The following DCC variants were observed in gnomAD, a reference collection of about 807,000 sequenced individuals.
DCC encodes DCC netrin 1 receptor.
DCC carries 58 observed loss-of-function variants against 172.5 expected under a neutral mutation model. The observed-to-expected ratio is 0.34, with a 90% CI of 0.27 to 0.42. DCC has a LOEUF of 0.42. Ranked by LOEUF, DCC falls within the 10% of genes least tolerant of loss-of-function variation. DCC has a pLI of 1.00. For missense variants in DCC, 1,740 were observed against 1,791.0 expected (o/e 0.97, Z 0.51); for synonymous variants, 709 against 644.5 (o/e 1.10, Z -1.52).
At chr18:52,704,326 G>A (rs1599033012) in intron 1 of DCC, among the ~76,000 whole-genome samples, 1 of 152,244 alleles carries the variant, frequency 6.6e-6, no homozygotes, top group East Asian at 1.9e-4. Flanking sequence ...TAAAAAAAGA[G>A]AGAGAGATGG....
intron 15 of DCC, among the ~76,000 whole-genome samples, chr18:53,350,675 T>C (rs1434083170): frequency 6.6e-6 from 1 of 152,084 alleles, no homozygotes; most frequent in Non-Finnish European, 1.5e-5. Context: ...TGTATCATGG[T>C]ATCAGAGGGT....
At chr18:52,350,190 C>A (rs1984056402) in intron 1 of DCC, among the ~76,000 whole-genome samples, 1 of 152,172 alleles carries the variant, frequency 6.6e-6, no homozygotes, top group Non-Finnish European at 1.5e-5. Context: ...TTCTGCCCTG[C>A]AGGGGCTTTT....
At chr18:52,697,529 A>G (rs1195524903) in intron 1 of DCC, among the ~76,000 whole-genome samples, 1 of 152,226 alleles carries the variant, frequency 6.6e-6, no homozygotes, top group Non-Finnish European at 1.5e-5. Context: ...GACCCAGAAA[A>G]TAGTCATTAA....
chr18:53,147,386 C>T (rs556757090), intron 7 of DCC, among the ~76,000 whole-genome samples: 4 of 152,230 alleles, frequency 2.6e-5, no homozygotes, highest in East Asian at 1.9e-4. Context: ...AAACATGCTT[C>T]GTATACATAT....
intron 1 of DCC, among the ~76,000 whole-genome samples, chr18:52,455,930 T>C (rs1988443586): frequency 6.6e-6 from 1 of 152,170 alleles, no homozygotes; most frequent in Non-Finnish European, 1.5e-5. Flanking sequence ...AAAATTCTGG[T>C]ATCTCCATAT....
intron 27 of DCC, among the ~76,000 whole-genome samples, chr18:53,521,161 G>T (rs1308632541): frequency 6.6e-6 from 1 of 152,094 alleles, no homozygotes; most frequent in African/African-American, 2.4e-5. Context: ...AACACTCTGT[G>T]CGGTCTTTGA....
At chr18:52,826,768 C>T (rs2145285205) in intron 2 of DCC, among the ~76,000 whole-genome samples, 1 of 152,228 alleles carries the variant, frequency 6.6e-6, no homozygotes, top group Non-Finnish European at 1.5e-5. Flanking sequence ...TGTGAGCCAC[C>T]ACACCCAGCC....
At chr18:53,413,666 G>A (rs2032821901) in intron 20 of DCC, among the ~76,000 whole-genome samples, 1 of 152,214 alleles carries the variant, frequency 6.6e-6, no homozygotes, top group Admixed American at 6.5e-5. Flanking sequence ...GACAATGCAT[G>A]TATATGATTA....
intron 7 of DCC, 94 bp from the exon 8 acceptor site, chr18:53,157,262 T>C (rs1004313666): frequency 2.2e-5 from 32 of 1,451,790 alleles, no homozygotes; most frequent in Non-Finnish European, 3.1e-5. Flanking sequence ...GACTATGACA[T>C]GGAGATGCTT....
intron 1 of DCC, among the ~76,000 whole-genome samples, chr18:52,524,482 T>G (rs2031920102): frequency 6.6e-6 from 1 of 152,236 alleles, no homozygotes; most frequent in Non-Finnish European, 1.5e-5. Context: ...TTATGCCAAC[T>G]TTTTGGAAGC....
At chr18:52,532,249 T>TAGAAAAAAAGTTCAAAAAA (rs1380384906) in intron 1 of DCC, among the ~76,000 whole-genome samples, 4 of 152,222 alleles carry the variant, frequency 2.6e-5, no homozygotes, top group African/African-American at 9.6e-5. Flanking sequence ...AAAAGCATCC[T>TAGAAAAAAAGTTCAAAAAA]AGGCATATAC....
At chr18:53,442,997 C>A (rs1164605416) in intron 22 of DCC, among the ~76,000 whole-genome samples, 1 of 152,090 alleles carries the variant, frequency 6.6e-6, no homozygotes, top group African/African-American at 2.4e-5. Flanking sequence ...AGAACAGAAG[C>A]CGTCTCTATA....
At chr18:53,181,487 G>T (rs13380954) in intron 9 of DCC, among the ~76,000 whole-genome samples, 1 of 143,954 alleles carries the variant, frequency 6.9e-6, no homozygotes, top group African/African-American at 2.6e-5. Flanking sequence ...CACTGGCTAA[G>T]AACACTCATT....
chr18:52,934,179 C>T (rs78556195), intron 5 of DCC, among the ~76,000 whole-genome samples: 7,553 of 151,812 alleles, frequency 0.05, 257 homozygotes, highest in South Asian at 0.14. Flanking sequence ...TGAATTATGG[C>T]GCGATTGATA....
intron 2 of DCC, among the ~76,000 whole-genome samples, chr18:52,822,930 G>A (rs576985697): frequency 2.7e-5 from 4 of 149,340 alleles, no homozygotes; most frequent in Non-Finnish European, 5.9e-5. Flanking sequence ...TTTAAGAAGT[G>A]GTATTTTTTA....
At chr18:53,315,085 G>A (rs747211173) in intron 13 of DCC, among the ~76,000 whole-genome samples, 1 of 152,102 alleles carries the variant, frequency 6.6e-6, no homozygotes, top group Non-Finnish European at 1.5e-5. Context: ...TCTACATTAG[G>A]TATTTCTCCT....
intron 8 of DCC, among the ~76,000 whole-genome samples, chr18:53,172,253 A>G (rs1475318732): frequency 6.6e-6 from 1 of 152,132 alleles, no homozygotes; most frequent in Non-Finnish European, 1.5e-5. Context: ...TCTCACTTAT[A>G]AGTAAGAGCT....
intron 1 of DCC, among the ~76,000 whole-genome samples, chr18:52,436,330 A>T (rs905508901): frequency 2.6e-5 from 4 of 152,192 alleles, no homozygotes; most frequent in African/African-American, 9.7e-5. Context: ...GCATTTTGAG[A>T]CAGACATTAG....
chr18:52,432,272 G>A (rs1006289407), intron 1 of DCC, among the ~76,000 whole-genome samples: 3 of 152,130 alleles, frequency 2.0e-5, no homozygotes, highest in Admixed American at 2.0e-4. Context: ...CTCAGGTCTG[G>A]CTACTGAAAC....
Sources: gnomAD v4.1 joint callset for allele counts (sites outside exome capture counted in the v4.1 genomes callset) on GRCh38, gnomAD v4.1.1 for gene constraint, MANE v1.5 for transcripts, NCBI Gene and HGNC (gene_info 2026-07-23, HGNC 2026-07-21) for gene names.